Variants in UXS1 observed in about 807,000 individuals in gnomAD.
UXS1 encodes the protein UDP-glucuronate decarboxylase 1.
A neutral mutation model predicts 62.6 loss-of-function variants in UXS1; 33 were observed. The observed-to-expected ratio is 0.53, with a 90% CI of 0.40 to 0.70. The LOEUF (loss-of-function observed/expected upper bound fraction) is 0.70, where lower values mean the gene tolerates loss of function less well. Among genes scored for constraint, UXS1 ranks in the 30% least tolerant of loss-of-function variants. UXS1 has a pLI of 0.00. For synonymous variants in UXS1, 213 were observed against 206.8 expected (o/e 1.03, Z -0.26); for missense variants, 434 against 556.3 (o/e 0.78, Z 2.21).
intron 4 of UXS1, chr2:106,160,144 A>C (rs1274705685): frequency 6.6e-6 from 1 of 152,288 alleles, no homozygotes. Context: ...TTGTTTGCCA[A>C]GTAACACTTC....
intron 1 of UXS1, among the ~76,000 whole-genome samples, chr2:106,173,382 G>A (rs1683683011): frequency 6.6e-6 from 1 of 152,054 alleles, no homozygotes. Context: ...GTGAAATCCT[G>A]TCTCTACAAA....
chr2:106,119,510 T>C (rs1458993046), intron 9 of UXS1, among the ~76,000 whole-genome samples: 1 of 152,142 alleles, frequency 6.6e-6, no homozygotes, highest in East Asian at 1.9e-4. Flanking sequence ...GCAGCAGGCA[T>C]TCCAGCCCCC....
At chr2:106,149,218 G>C (rs1456820956) in intron 5 of UXS1, among the ~76,000 whole-genome samples, 1 of 152,120 alleles carries the variant, frequency 6.6e-6, no homozygotes, top group Non-Finnish European at 1.5e-5. Flanking sequence ...GTTTGCTGTG[G>C]TGATGTGTAA....
At chr2:106,142,923 A>ATGTGTG (rs141333004) in intron 6 of UXS1, among the ~76,000 whole-genome samples, 37 of 149,054 alleles carry the variant, frequency 2.5e-4, no homozygotes, top group South Asian at 8.5e-4. Context: ...GTTTGCATGT[A>ATGTGTG]TGTGTGTGTG....
chr2:106,184,901 G>C (rs1684467749), intron 1 of UXS1, among the ~76,000 whole-genome samples: 1 of 152,084 alleles, frequency 6.6e-6, no homozygotes, highest in South Asian at 2.1e-4. Flanking sequence ...CACATTTCAG[G>C]CCACACGGGC....
chr2:106,115,373 C>T (rs181048850), intron 9 of UXS1, among the ~76,000 whole-genome samples: 1 of 152,238 alleles, frequency 6.6e-6, no homozygotes. Flanking sequence ...GTTCTGCCTG[C>T]GAGTGGTCAG....
In UXS1 at chr2:106,176,569, C is replaced by T. The variant is rs1055793679; in HGVS notation, c.95-10486G>A. Among the ~76,000 whole-genome samples the T allele has an allele frequency of 5.3e-5, 8 of 152,312 alleles. No homozygotes were observed. In the South Asian group the frequency reaches 1.4e-3, roughly 28 times the overall value. On this transcript the variant is annotated intron_variant, in intron 1 of 14. Transcript: ENST00000283148. ...ATCATGATAGACCAAAGAGTGGCAGCTGCTGAACGGGAAGCCGTGCCTACT... is the reference window on the plus strand; with the variant it reads ...ATCATGATAGACCAAAGAGTGGCAGTTGCTGAACGGGAAGCCGTGCCTACT...
intron 8 of UXS1, 144 bp downstream of exon 8, chr2:106,125,476 G>T: frequency 3.0e-6 from 2 of 665,094 alleles, no homozygotes; most frequent in Non-Finnish European, 4.4e-6. Flanking sequence ...TGGCGACCCG[G>T]GAGGCCGACA....
chr2:106,165,383 T>G (rs1683152707), intron 2 of UXS1, among the ~76,000 whole-genome samples: 1 of 152,184 alleles, frequency 6.6e-6, no homozygotes, highest in African/African-American at 2.4e-5. Context: ...TACATTACAA[T>G]ACCAACCTAA....
chr2:106,102,145 A>C (rs1455355144), intron 11 of UXS1: 1 of 152,232 alleles, frequency 6.6e-6, no homozygotes, highest in Admixed American at 6.5e-5. Context: ...CATGCTTAAA[A>C]TGTTCTATTC....
At chr2:106,181,128 T>C (rs1200872612) in intron 1 of UXS1, among the ~76,000 whole-genome samples, 1 of 152,064 alleles carries the variant, frequency 6.6e-6, no homozygotes, top group Non-Finnish European at 1.5e-5. Context: ...TCCCACAGGG[T>C]GGGCTGCGGA....
intron 1 of UXS1, among the ~76,000 whole-genome samples, chr2:106,191,134 T>C (rs946835530): frequency 2.0e-5 from 3 of 152,058 alleles, no homozygotes; most frequent in Admixed American, 1.3e-4. Flanking sequence ...AGAAGAGTTA[T>C]GTGGTATCAA....
intron 14 of UXS1, 51 bp from the exon 15 acceptor site, chr2:106,094,208 G>C: frequency 2.7e-6 from 2 of 739,420 alleles, no homozygotes; most frequent in Middle Eastern, 3.5e-4. Flanking sequence ...TGACAGAAGG[G>C]CATCGCAGGA....
At chr2:106,170,278 T>G (rs946270860) in intron 1 of UXS1, among the ~76,000 whole-genome samples, 4 of 152,146 alleles carry the variant, frequency 2.6e-5, no homozygotes, top group Non-Finnish European at 4.4e-5. Context: ...CATCTGAGCA[T>G]CTGATTCTCC....
intron 12 of UXS1, among the ~76,000 whole-genome samples, chr2:106,099,632 C>A (rs10198354): frequency 0.74 from 113,116 of 152,042 alleles, 42,368 homozygotes; most frequent in South Asian, 0.78. Context: ...AAGGCCCTCC[C>A]CAAAGAGGGA....
At chr2:106,101,298 T>C in intron 11 of UXS1, 180 bp from the exon 12 acceptor site, 2 of 606,374 alleles carry the variant, frequency 3.3e-6, no homozygotes, top group Non-Finnish European at 5.7e-6. Context: ...AATGCGAAAG[T>C]ATTTATGGAT....
At chr2:106,102,069 T>C (rs552503686) in intron 11 of UXS1, 1 of 152,218 alleles carries the variant, frequency 6.6e-6, no homozygotes, top group Non-Finnish European at 1.5e-5. Flanking sequence ...AAAAAACCTA[T>C]TGGGGTATTT....
chr2:106,093,887 A>T lies in UXS1; in HGVS notation c.*139T>A. The T allele has an allele frequency of 8.1e-7, 1 of 1,230,780 alleles. No homozygotes were observed. The highest frequency in any genetic ancestry group is 1.1e-6 in the Non-Finnish European group (1 of 930,998). 76.2% of individuals were successfully genotyped at this position (1,230,780 alleles called of 1,614,324 possible). A position where few individuals can be genotyped will look rare whatever the true frequency, so the allele number is the denominator to read the frequency against. ...AGCTTTTAGGCACATCCATTTCATT[A>T]AAGCAAGCTTCAGAATGAAATTCCA... On this transcript the variant is annotated 3_prime_UTR_variant, in exon 15 of 15. Transcript: ENST00000283148.
chr2:106,155,448 T>G (rs1291520828), intron 5 of UXS1, among the ~76,000 whole-genome samples: 1 of 152,190 alleles, frequency 6.6e-6, no homozygotes, highest in Non-Finnish European at 1.5e-5. Flanking sequence ...ATTAGTTAAT[T>G]ACAAGGCATT....
Sources: allele counts gnomAD v4.1 joint callset (sites outside exome capture counted in the v4.1 genomes callset), GRCh38; gene constraint gnomAD v4.1.1; transcripts MANE v1.5; gene names NCBI Gene and HGNC (gene_info 2026-07-23, HGNC 2026-07-21).